The following CXXC1 variants were observed in gnomAD, a reference collection of about 807,000 sequenced individuals.
CXXC1 encodes the protein CXXC finger protein 1, also known as CXXC-type zinc finger protein 1.
A neutral mutation model predicts 83.6 loss-of-function variants in CXXC1; 21 were observed. The ratio of observed to expected loss-of-function variants is 0.25; its 90% CI spans 0.18 to 0.36. The LOEUF is 0.36. Ranked by LOEUF, CXXC1 falls within the 10% of genes least tolerant of loss-of-function variation. The probability of loss-of-function intolerance (pLI) is 1.00; values close to 1 mark genes in which losing one functional copy is unlikely to be tolerated. For missense variants in CXXC1, 688 were observed against 919.5 expected (o/e 0.75, Z 3.26); for synonymous variants, 371 against 337.5 (o/e 1.10, Z -1.09).
Position 50,283,051 on chromosome 18 carries a change from A to G in CXXC1, c.1672-45T>C, listed in dbSNP as rs1312325047. The G allele has an allele frequency of 3.7e-6, 6 of 1,604,380 alleles. No homozygotes were observed. The South Asian group carries it at 5.5e-5, about 15-fold the overall frequency. Reference sequence around the variant, plus strand: ...GGGGGATGAATAGCGGTGATAAGGGAGAATAGGAATGGGGGCTCAAGGAGG... The same window carrying G: ...GGGGGATGAATAGCGGTGATAAGGGGGAATAGGAATGGGGGCTCAAGGAGG... On this transcript the variant is annotated intron_variant, in intron 13 of 14. Transcript: ENST00000285106.
rs1227983082 is a variant in CXXC1 at position 50,283,207 on chromosome 18, G to A, written c.1671+58C>T. On this transcript the variant is annotated intron_variant, in intron 13 of 14. Transcript: ENST00000285106. The stretch of plus-strand genomic sequence containing the variant: ...TGAGGTGAGGAAGGAAGGGATGAAT[G>A]TGGGACAGCGAGGCAGGGAGGAGGG... The A allele has an allele frequency of 4.9e-6, 7 of 1,434,240 alleles. No homozygotes were observed. In the East Asian group the frequency reaches 6.8e-5, roughly 14 times the overall value. 88.8% of individuals were successfully genotyped at this position (1,434,240 alleles called of 1,614,324 possible).
Position 50,285,741 on chromosome 18 carries a change from A to G in CXXC1, c.639+8T>C. 2 of 1,611,042 alleles carry G rather than the reference A, an allele frequency of 1.2e-6. No homozygotes were observed. The highest frequency in any genetic ancestry group is 1.7e-6 in the Non-Finnish European group (2 of 1,179,908). On this transcript the variant is annotated splice_region_variant and intron_variant, in intron 5 of 14. Transcript: ENST00000285106. The surrounding 1 kb of genome is among the most constrained non-coding windows in gnomAD (Gnocchi z 4.4). ...CACCTGACCCTACCCAGCTCTGTCC[A>G]TGCTCACCCGGGCCCGCAGCTGGCA...
Position 50,287,226 on chromosome 18 carries a change from C to T in CXXC1, c.3+361G>A, listed in dbSNP as rs1180801950. 8 of 502,912 alleles carry T rather than the reference C, an allele frequency of 1.6e-5. No individual in the cohort carries two copies. The East Asian group carries it at 2.0e-4, about 13-fold the overall frequency. The allele number at this position is 502,912 out of a possible 1,614,324, so 31.2% of individuals were successfully genotyped here. ...ATCTCATAGACCCACCTGGCACCCG[C>T]ACCCACCCCCAGTCGCGGCTGTCCA... On this transcript the variant is annotated intron_variant, in intron 1 of 14. Transcript: ENST00000285106.
Position 50,286,421 on chromosome 18 carries a change from T to G in CXXC1, c.223+118A>C, listed in dbSNP as rs1315536506. On this transcript the variant is annotated intron_variant, in intron 3 of 14. Coordinates refer to ENST00000285106, the MANE Select transcript of CXXC1 (RefSeq NM_014593.4). ...CCGTGGGATCTTCTATTACTCACAA[T>G]GGAGCCCCATTCCAGCTCACCACAG... The G allele has an allele frequency of 2.8e-6, 3 of 1,068,380 alleles. No individual in the cohort carries two copies. The African/African-American group carries it at 4.7e-5, about 17-fold the overall frequency. The allele number at this position is 1,068,380 out of a possible 1,614,324, so 66.2% of individuals were successfully genotyped here.
chr18:50,284,832 A>T lies in CXXC1; in HGVS notation c.920T>A (p.Met307Lys). 1 of 1,614,082 alleles carries T rather than the reference A, an allele frequency of 6.2e-7. No individual in the cohort carries two copies. The highest frequency in any genetic ancestry group is 8.5e-7 in the Non-Finnish European group (1 of 1,180,026). ...GAFDDHGLPW[M>K]SDTEESPFLD... ...GAATGGGGACTCTTCTGTGTCGCTC[A>T]TCCAGGGCTGCAAGCAGGGCATGCA... Residue 307 changes from methionine to lysine, a missense_variant, in exon 8 of 15, where the codon ATG becomes AAG. Coordinates refer to ENST00000285106, the MANE Select transcript of CXXC1 (RefSeq NM_014593.4).
chr18:50,286,398 G>A (rs1043727180), intron 3 of CXXC1, 141 bp from the exon 4 acceptor site: 7 of 1,057,582 alleles, frequency 6.6e-6, no homozygotes, highest in African/African-American at 1.6e-5. Context: ...GCCTCTTCCC[G>A]TGGGATCTTC....
At chr18:50,287,349 T>C (rs1271038020) in intron 1 of CXXC1, 15 of 571,496 alleles carry the variant, frequency 2.6e-5, no homozygotes, top group Non-Finnish European at 9.4e-6. Context: ...GAACCCCCGA[T>C]CATGGTTTCC....
chr18:50,284,705 C>T (rs1030456710), intron 8 of CXXC1, 27 bp downstream of exon 8: 1 of 1,610,896 alleles, frequency 6.2e-7, no homozygotes, highest in South Asian at 1.1e-5. Context: ...CTCTGCCTTT[C>T]CACATCCACT....
At position 50,286,238 on chromosome 18, in the gene CXXC1, C is replaced by T. The variant is rs2040712686; in HGVS notation, c.243G>A (p.Glu81=). The change falls in exon 4 of 15, where the codon GAG becomes GAA. Residue 81 remains glutamate (E), a synonymous_variant. Coordinates refer to ENST00000285106, the MANE Select transcript of CXXC1 (RefSeq NM_014593.4). ...GTGACTTCTTGTGCCGATAGCGAAT[C>T]TCTAGCTTGGGGTCTTTCTCTGTGG... The part of the protein sequence containing the change: ...RECREKDPKL[E]IRYRHKKSRE... 6.2e-7 allele frequency: 1 copy of T among 1,609,252 alleles called. No individual in the cohort carries two copies.
Position 50,284,038 on chromosome 18 carries a change from T to A in CXXC1, c.1269A>T (p.Glu423Asp). The stretch of plus-strand genomic sequence containing the variant: ...GTTCGAGCAGCTTCTTGCCGTGCTC[T>A]TCAGCAATGCAAGGGCTCTGCTGCC... Reference protein sequence around the residue: ...QQWQQSPCIAEEHGKKLLERI... With the variant: ...QQWQQSPCIADEHGKKLLERI... Residue 423 changes from glutamate (E) to aspartate (D), a missense_variant, in exon 10 of 15, where the codon GAA (glutamate) becomes GAT (aspartate). Physicochemically the swap from Glu to Asp is conservative, Grantham distance 45. This residue lies in a region of CXXC1 where 100 missense variants were observed against 142.5 expected (regional missense o/e 0.70). Transcript: ENST00000285106. 6.2e-7 allele frequency: 1 copy of A among 1,611,944 alleles called. No homozygotes were observed.
At chr18:50,283,054 A>C in intron 13 of CXXC1, 48 bp from the exon 14 acceptor site, 1 of 1,600,900 alleles carries the variant, frequency 6.2e-7, no homozygotes, top group Non-Finnish European at 8.5e-7. Flanking sequence ...ATAAGGGAGA[A>C]TAGGAATGGG....
rs2040735987 is a variant in CXXC1 at position 50,287,578 on chromosome 18, G to A, written c.3+9C>T. ...CACCGCCGAACCCCTCCCTGGACCC[G>A]CTACTTACCATATCTCCGCTCCCGG... On this transcript the variant is annotated intron_variant, in intron 1 of 14. Transcript: ENST00000285106. The A allele has an allele frequency of 2.5e-6, 4 of 1,611,888 alleles. No individual in the cohort carries two copies. The highest frequency in any genetic ancestry group is 1.3e-5 in the African/African-American group (1 of 74,820).
In CXXC1 at chr18:50,282,568, G is replaced by A; in HGVS notation, c.*25C>T. On this transcript the variant is annotated 3_prime_UTR_variant, in exon 15 of 15. Coordinates refer to ENST00000285106, the MANE Select transcript of CXXC1 (RefSeq NM_014593.4). The surrounding 1 kb of genome is among the most constrained non-coding windows in gnomAD (Gnocchi z 5.8). ...GCGGCTCCCCCATCTGGAATGCAGGGTGTAAGGGGTCCGGGCCAGGAGGCT... is the reference window on the plus strand; with the variant it reads ...GCGGCTCCCCCATCTGGAATGCAGGATGTAAGGGGTCCGGGCCAGGAGGCT... 6.2e-7 allele frequency: 1 copy of A among 1,602,958 alleles called. No individual in the cohort carries two copies. Among genetic ancestry groups the A allele is most frequent in the Non-Finnish European group, 8.5e-7 (1 of 1,179,806 alleles).
chr18:50,283,019 C>A lies in CXXC1; in HGVS notation c.1672-13G>T. ...CGTCAGCTGGCACCTGCAAGGAGGC[C>A]AGGTTGGGGGGATGAATAGCGGTGA... On this transcript the variant is annotated splice_polypyrimidine_tract_variant and intron_variant, in intron 13 of 14. Coordinates refer to ENST00000285106, the MANE Select transcript of CXXC1 (RefSeq NM_014593.4). The A allele has an allele frequency of 6.2e-7, 1 of 1,613,450 alleles. No individual in the cohort carries two copies. Among genetic ancestry groups the A allele is most frequent in the Non-Finnish European group, 8.5e-7 (1 of 1,179,944 alleles).
intron 1 of CXXC1, 38 bp from the exon 2 acceptor site, chr18:50,286,896 C>T: frequency 7.0e-7 from 1 of 1,434,488 alleles, no homozygotes; most frequent in Middle Eastern, 1.8e-4. Flanking sequence ...TAAGCAGCCC[C>T]CACCGTGGCG....
Position 50,285,861 on chromosome 18 carries a change from C to A in CXXC1, c.527G>T (p.Arg176Leu). ...ARMCGECEAC[R>L]RTEDCGHCDF... The stretch of plus-strand genomic sequence containing the variant: ...ACAGTGACCACAGTCCTCAGTGCGC[C>A]GACATGCCTCACACTCACCACACAT... Residue 176 changes from arginine (R) to leucine (L), a missense_variant, in exon 5 of 15, where the codon CGG (arginine) becomes CTG (leucine). By Grantham distance (102) the Arg-to-Leu change is moderately radical (BLOSUM62 -2). Transcript: ENST00000285106. This position sits in a 1 kb window ranked among gnomAD's most constrained non-coding sequence, Gnocchi z 4.4. 6.2e-7 allele frequency: 1 copy of A among 1,614,202 alleles called. No individual in the cohort carries two copies. The highest frequency in any genetic ancestry group is 8.5e-7 in the Non-Finnish European group (1 of 1,180,020).
At position 50,283,356 on chromosome 18, in the gene CXXC1, G is replaced by A; in HGVS notation, c.1580C>T (p.Thr527Ile). 1 of 1,613,892 alleles carries A rather than the reference G, an allele frequency of 6.2e-7. No homozygotes were observed. Among genetic ancestry groups the A allele is most frequent in the Non-Finnish European group, 8.5e-7 (1 of 1,179,820 alleles). The change falls in exon 13 of 15, where the codon ACA (threonine) becomes ATA (isoleucine). Residue 527 changes from threonine (T) to isoleucine (I), a missense_variant. Physicochemically the swap from Thr to Ile is moderately conservative, Grantham distance 89. This residue lies in a region of CXXC1 where 114 missense variants were observed against 173.3 expected (regional missense o/e 0.66). Coordinates refer to ENST00000285106, the MANE Select transcript of CXXC1 (RefSeq NM_014593.4). Reference sequence around the variant, plus strand: ...ATTATACACATCACAGAAGAGTCGTGTGGCCCTGGGGATTTGGAGTAGAGA... The same window carrying A: ...ATTATACACATCACAGAAGAGTCGTATGGCCCTGGGGATTTGGAGTAGAGA... ...SMYPTRIEGA[T>I]RLFCDVYNPQ...
At chr18:50,287,336 T>A in intron 1 of CXXC1, 1 of 554,684 alleles carries the variant, frequency 1.8e-6, no homozygotes, top group Non-Finnish European at 3.2e-6. Context: ...CCCTCTGCCC[T>A]AAGAACCCCC....
chr18:50,282,556 C>A lies in CXXC1; in HGVS notation c.*37G>T, dbSNP rs376894228. On this transcript the variant is annotated 3_prime_UTR_variant, in exon 15 of 15. Transcript: ENST00000285106. The surrounding 1 kb of genome is among the most constrained non-coding windows in gnomAD (Gnocchi z 5.8). ...CACGGGCACCGGGCGGCTCCCCCATCTGGAATGCAGGGTGTAAGGGGTCCG... is the reference window on the plus strand; with the variant it reads ...CACGGGCACCGGGCGGCTCCCCCATATGGAATGCAGGGTGTAAGGGGTCCG... The A allele has an allele frequency of 1.1e-5, 18 of 1,598,232 alleles. No individual in the cohort carries two copies. The highest frequency in any genetic ancestry group is 2.7e-5 in the African/African-American group (2 of 74,856).
Sources: allele counts gnomAD v4.1 joint callset, GRCh38; gene constraint gnomAD v4.1.1; regional missense constraint gnomAD v4.1.1; non-coding constraint Gnocchi (gnomAD v3.1); transcripts MANE v1.5; gene names NCBI Gene and HGNC (gene_info 2026-07-23, HGNC 2026-07-21).